The following PPM1H variants were observed in gnomAD, a reference collection of about 807,000 sequenced individuals.
PPM1H encodes the protein protein phosphatase 1H.
PPM1H carries 27 observed loss-of-function variants against 54.9 expected under a neutral mutation model. That is an observed-to-expected ratio of 0.49 (90% confidence interval 0.36 to 0.68). PPM1H has a LOEUF of 0.68. Among genes scored for constraint, PPM1H ranks in the 30% least tolerant of loss-of-function variants. The pLI is 0.00. For synonymous variants in PPM1H, 305 were observed against 270.8 expected, an observed-to-expected ratio of 1.13 and a Z score of -1.24; for missense variants, 596 against 667.8, an observed-to-expected ratio of 0.89 and a Z score of 1.19.
At position 62,852,101 on chromosome 12, in the gene PPM1H, C is replaced by T. The variant is rs947498837; in HGVS notation, c.246-19822G>A. Among the ~76,000 whole-genome samples, 8 of 151,764 alleles carry T rather than the reference C, an allele frequency of 5.3e-5. No individual in the cohort carries two copies. The East Asian group carries it at 9.7e-4, about 18-fold the overall frequency. On this transcript the variant is annotated intron_variant, in intron 1 of 9. Coordinates refer to ENST00000228705, the MANE Select transcript of PPM1H (RefSeq NM_020700.2). ...AAAATTAGCTGGGCGTGGTGGCGGG[C>T]GCCTGTAATCCCAGCTATTCAGGAG...
rs558253630 is a variant in PPM1H, at chr12:62,776,099, T to G, written c.869+12127A>C. On this transcript the variant is annotated intron_variant, in intron 4 of 9. Transcript: ENST00000228705. ...TATCATGAGAACAGCATGGGAAAAA[T>G]ACTCCCCCACGACTCAGTTACCTCC... Among the ~76,000 whole-genome samples, 52 of 151,822 alleles carry G rather than the reference T, an allele frequency of 3.4e-4. No homozygotes were observed. In the South Asian group the frequency reaches 9.8e-3, roughly 29 times the overall value.
intron 2 of PPM1H, among the ~76,000 whole-genome samples, chr12:62,811,395 G>T (rs907855625): frequency 3.9e-5 from 6 of 152,186 alleles, no homozygotes; most frequent in African/African-American, 1.4e-4. Flanking sequence ...CAGGTGGGGA[G>T]ACCAGGCTGC....
intron 1 of PPM1H, among the ~76,000 whole-genome samples, chr12:62,932,929 C>T (rs535116735): frequency 6.6e-6 from 1 of 151,894 alleles, no homozygotes; most frequent in South Asian, 2.1e-4. Flanking sequence ...ACCACCGCGC[C>T]CGGCCTAAAT....
At chr12:62,919,028 G>A (rs1006934587) in intron 1 of PPM1H, among the ~76,000 whole-genome samples, 1 of 152,196 alleles carries the variant, frequency 6.6e-6, no homozygotes, top group Admixed American at 6.5e-5. Flanking sequence ...TCCACAGTCA[G>A]TGGAGATAGA....
Position 62,805,227 on chromosome 12 carries a change from T to A in PPM1H, c.412-3067A>T, listed in dbSNP as rs559625385. On this transcript the variant is annotated intron_variant, in intron 2 of 9. Coordinates refer to ENST00000228705, the MANE Select transcript of PPM1H (RefSeq NM_020700.2). ...AAAACGAGACAAGTGTTAGTGAGGA[T>A]GTGTAGAAAAAGGAAACTTCTGTCC... Among the ~76,000 whole-genome samples, 19 of 152,218 alleles carry A rather than the reference T, an allele frequency of 1.2e-4. No homozygotes were observed. The South Asian group carries it at 3.5e-3, about 28-fold the overall frequency.
intron 1 of PPM1H, among the ~76,000 whole-genome samples, chr12:62,834,677 T>C (rs1212819079): frequency 6.6e-6 from 1 of 152,174 alleles, no homozygotes; most frequent in Non-Finnish European, 1.5e-5. Flanking sequence ...TGCCTGTCCC[T>C]AGAGAAGCTC....
At chr12:62,828,700 C>T (rs1868316634) in intron 2 of PPM1H, among the ~76,000 whole-genome samples, 1 of 152,212 alleles carries the variant, frequency 6.6e-6, no homozygotes, top group African/African-American at 2.4e-5. Flanking sequence ...AGTGATTTAT[C>T]TTCCTCACTA....
chr12:62,807,199 ACATGAAGGATC>A (rs977506965), intron 2 of PPM1H, among the ~76,000 whole-genome samples: 4 of 152,194 alleles, frequency 2.6e-5, no homozygotes, highest in African/African-American at 9.7e-5. Flanking sequence ...TTTACAGGAC[ACATGAAGGATC>A]CTGGCTTTAG....
At chr12:62,870,497 C>G (rs76352790) in intron 1 of PPM1H, among the ~76,000 whole-genome samples, 8 of 151,864 alleles carry the variant, frequency 5.3e-5, no homozygotes, top group African/African-American at 1.9e-4. Context: ...ATGGTGACAG[C>G]GGAAATGGGT....
At chr12:62,927,328 A>C (rs907958240) in intron 1 of PPM1H, among the ~76,000 whole-genome samples, 1 of 152,220 alleles carries the variant, frequency 6.6e-6, no homozygotes, top group Non-Finnish European at 1.5e-5. Flanking sequence ...ATGAATGGGA[A>C]GCCCTTCAAT....
chr12:62,691,523 G>T (rs990485116), intron 7 of PPM1H, among the ~76,000 whole-genome samples: 1 of 152,092 alleles, frequency 6.6e-6, no homozygotes, highest in African/African-American at 2.4e-5. Context: ...GGGTCAGAGG[G>T]GATAAAGACA....
intron 1 of PPM1H, among the ~76,000 whole-genome samples, chr12:62,915,725 A>G (rs80280068): frequency 6.6e-6 from 1 of 152,318 alleles, no homozygotes; most frequent in African/African-American, 2.4e-5. Flanking sequence ...CATGCCTGGC[A>G]GACCTAAAGA....
At chr12:62,775,746 G>A (rs1294366608) in intron 4 of PPM1H, among the ~76,000 whole-genome samples, 2 of 152,176 alleles carry the variant, frequency 1.3e-5, no homozygotes, top group Non-Finnish European at 1.5e-5. Flanking sequence ...GAGCATGCCT[G>A]GGCCCTGTTT....
chr12:62,756,073 C>T (rs1301736584), intron 4 of PPM1H: 7 of 1,147,298 alleles, frequency 6.1e-6, no homozygotes, highest in Non-Finnish European at 9.1e-6. Context: ...CAGGTTGTCT[C>T]CTCTGATTTT....
In PPM1H at chr12:62,683,918, G is replaced by A. The variant is rs192127861; in HGVS notation, c.1245+5781C>T. Among the ~76,000 whole-genome samples, 178 of 152,314 alleles carry A rather than the reference G, an allele frequency of 1.2e-3. 1 individual carries two copies. The highest frequency in any genetic ancestry group is 4.2e-3 in the African/African-American group (176 of 41,582). ...CTGGAGTTTTGGGCTGCCAGCCTGT[G>A]CTGGGCTGTCTGAGTTACAGAACAG... On this transcript the variant is annotated intron_variant, in intron 8 of 9. Transcript: ENST00000228705.
chr12:62,861,250 A>G (rs1869591898), intron 1 of PPM1H, among the ~76,000 whole-genome samples: 1 of 152,208 alleles, frequency 6.6e-6, no homozygotes, highest in African/African-American at 2.4e-5. Flanking sequence ...ATTTTTGAGG[A>G]TTAGACAGAG....
At chr12:62,721,707 A>G (rs141836792) in intron 5 of PPM1H, among the ~76,000 whole-genome samples, 1 of 152,328 alleles carries the variant, frequency 6.6e-6, no homozygotes, top group East Asian at 1.9e-4. Flanking sequence ...CTCTGCTTTC[A>G]TAAGCAATGT....
chr12:62,915,682 G>A (rs975868666), intron 1 of PPM1H, among the ~76,000 whole-genome samples: 14 of 152,108 alleles, frequency 9.2e-5, no homozygotes, highest in Non-Finnish European at 1.3e-4. Flanking sequence ...TGATTGAAGG[G>A]AATCACCAAT....
At chr12:62,793,818 G>T (rs2641556) in intron 3 of PPM1H, among the ~76,000 whole-genome samples, 1 of 150,468 alleles carries the variant, frequency 6.6e-6, no homozygotes, top group Non-Finnish European at 1.5e-5. Context: ...AAGTGCAAGA[G>T]AAAAATATTG....
Sources: gnomAD v4.1 joint callset for allele counts (sites outside exome capture counted in the v4.1 genomes callset) on GRCh38, gnomAD v4.1.1 for gene constraint, MANE v1.5 for transcripts, NCBI Gene and HGNC (gene_info 2026-07-23, HGNC 2026-07-21) for gene names.